The following SPTB variants were observed in gnomAD, a reference collection of about 807,000 sequenced individuals.
SPTB encodes the protein spectrin beta, erythrocytic, also known as spectrin beta chain, erythrocytic.
A neutral mutation model predicts 256.2 loss-of-function variants in SPTB; 45 were observed. The observed-to-expected ratio is 0.18, with a 90% CI of 0.14 to 0.23. The LOEUF is 0.23. SPTB is among the 10% of genes least tolerant of loss of function. The pLI, the probability that SPTB is intolerant of heterozygous loss-of-function variation, is 1.00. For synonymous variants in SPTB, 1,231 were observed against 1,243.1 expected, an observed-to-expected ratio of 0.99 and a Z score of 0.21; for missense variants, 2,715 against 3,040.4, an observed-to-expected ratio of 0.89 and a Z score of 2.52.
At chr14:64,856,404 A>G (rs927130834) in intron 1 of SPTB, among the ~76,000 whole-genome samples, 9 of 152,304 alleles carry the variant, frequency 5.9e-5, no homozygotes, top group Non-Finnish European at 1.3e-4. Flanking sequence ...GAGACTATCC[A>G]CATTCTCAGA....
In SPTB at chr14:64,759,922, G is replaced by A. The variant is rs887258633; in HGVS notation, c.6346-6129C>T. 2.0e-5 allele frequency among the ~76,000 whole-genome samples: 3 copies of A among 152,228 alleles called. No individual in the cohort carries two copies. The highest frequency in any genetic ancestry group is 7.2e-5 in the African/African-American group (3 of 41,446). ...AGTGGGCTGAATAAGGGAAGGCACT[G>A]CCTTTAGTCCTCTGGTTTGGGGAAG... On this transcript the variant is annotated intron_variant, in intron 32 of 35. Coordinates refer to ENST00000644917, the MANE Select transcript of SPTB (RefSeq NM_001355436.2). The surrounding 1 kb of genome is among the most constrained non-coding windows in gnomAD (Gnocchi z 4.8).
chr14:64,753,404 T>C (rs2081978012), intron 33 of SPTB, 133 bp downstream of exon 33: 4 of 1,389,898 alleles, frequency 2.9e-6, no homozygotes, highest in Non-Finnish European at 4.0e-6. Flanking sequence ...GAGGGGTGTC[T>C]AGGAGCTCTC....
chr14:64,874,282 T>C (rs181381889), intron 1 of SPTB, among the ~76,000 whole-genome samples: 92 of 152,346 alleles, frequency 6.0e-4, no homozygotes, highest in Non-Finnish European at 1.1e-3. Flanking sequence ...TTCCCCAACC[T>C]GAATGAGATG....
chr14:64,752,378 AGAG>A, intron 33 of SPTB: 1 of 576,608 alleles, frequency 1.7e-6, no homozygotes, highest in Non-Finnish European at 2.6e-6. Context: ...CTGGAAGGTC[AGAG>A]AGAGAAACTG....
In SPTB at chr14:64,786,264, C is replaced by T. The variant is rs181973822; in HGVS notation, c.3561+140G>A. The T allele has an allele frequency of 4.2e-4, 536 of 1,283,030 alleles. 3 individuals carry two copies. The African/African-American group carries it at 7.0e-3, about 17-fold the overall frequency. The allele number at this position is 1,283,030 out of a possible 1,614,324, so 79.5% of individuals were successfully genotyped here. On this transcript the variant is annotated intron_variant, in intron 16 of 35. Transcript: ENST00000644917. The surrounding 1 kb of genome is among the most constrained non-coding windows in gnomAD (Gnocchi z 5.6). ...GCTGGAAAAGGCCCCTAATGAGAAA[C>T]AAAGATTTCCCCCATGAGTGAATAC...
intron 2 of SPTB, among the ~76,000 whole-genome samples, chr14:64,808,808 G>A (rs2083034546): frequency 6.6e-6 from 1 of 152,092 alleles, no homozygotes; most frequent in African/African-American, 2.4e-5. Context: ...TTCCATATCA[G>A]GTACATGACA....
At position 64,774,512 on chromosome 14, in the gene SPTB, T is replaced by C. The variant is rs1594761407; in HGVS notation, c.4858A>G (p.Ile1620Val). The C allele has an allele frequency of 4.5e-6, 7 of 1,553,776 alleles. No individual in the cohort carries two copies. Among genetic ancestry groups the C allele is most frequent in the East Asian group, 4.9e-5 (2 of 41,138 alleles). The stretch of plus-strand genomic sequence containing the variant: ...CGCAAATGTCGCTTCAGCATCACAA[T>C]GGCGCCCTCTTCATCCTAGGAGGCA... ...DEIPKDEEGA[I>V]VMLKRHLRQQ... Residue 1620 changes from isoleucine to valine, a missense_variant, in exon 24 of 36, where the codon ATT becomes GTT. By Grantham distance (29) the Ile-to-Val change is conservative. Transcript: ENST00000644917.
intron 2 of SPTB, among the ~76,000 whole-genome samples, chr14:64,818,896 G>T (rs769843584): frequency 6.6e-6 from 1 of 152,196 alleles, no homozygotes; most frequent in Non-Finnish European, 1.5e-5. Flanking sequence ...GGTCCAGAAA[G>T]TAGGAAGGTG....
At chr14:64,799,993 T>C in intron 8 of SPTB, 59 bp from the exon 9 acceptor site, 1 of 1,590,216 alleles carries the variant, frequency 6.3e-7, no homozygotes, top group Non-Finnish European at 8.6e-7. Flanking sequence ...ACTGAGGATA[T>C]CAATGAGGAC....
intron 32 of SPTB, 71 bp downstream of exon 32, chr14:64,766,655 G>GC (rs1193720100): frequency 6.2e-7 from 1 of 1,612,970 alleles, no homozygotes; most frequent in Non-Finnish European, 8.5e-7. Context: ...CCTGGGCTGA[G>GC]CCTAGTAGGG....
intron 33 of SPTB, among the ~76,000 whole-genome samples, chr14:64,751,057 ATATATAACATTTATAG>A (rs889146911): frequency 2.8e-5 from 4 of 143,308 alleles, no homozygotes; most frequent in African/African-American, 7.5e-5. Flanking sequence ...ATATTATATA[ATATATAACATTTATAG>A]TATATAACAT....
chr14:64,794,760 A>C, intron 12 of SPTB, 143 bp from the exon 13 acceptor site: 3 of 1,078,954 alleles, frequency 2.8e-6, no homozygotes, highest in Non-Finnish European at 4.1e-6. Flanking sequence ...GCTGCTGAGG[A>C]TGGAAGAAGC....
In SPTB at chr14:64,775,500, C is replaced by T; in HGVS notation, c.4564-97G>A. The T allele has an allele frequency of 6.8e-7, 1 of 1,472,084 alleles. No homozygotes were observed. The highest frequency in any genetic ancestry group is 2.1e-5 in the Admixed American group (1 of 47,068). 91.2% of individuals were successfully genotyped at this position (1,472,084 alleles called of 1,614,324 possible). ...CACAGCTCTGACACCCTTGGTCCCTCTCACCCCCGTTGCTAGAGCAGAGCA... is the reference window on the plus strand; with the variant it reads ...CACAGCTCTGACACCCTTGGTCCCTTTCACCCCCGTTGCTAGAGCAGAGCA... On this transcript the variant is annotated intron_variant, in intron 22 of 35. Coordinates refer to ENST00000644917, the MANE Select transcript of SPTB (RefSeq NM_001355436.2). The surrounding 1 kb of genome is among the most constrained non-coding windows in gnomAD (Gnocchi z 5.0).
intron 9 of SPTB, 87 bp downstream of exon 9, chr14:64,799,660 T>A: frequency 6.6e-7 from 1 of 1,512,412 alleles, no homozygotes; most frequent in Non-Finnish European, 9.1e-7. Context: ...GTGGACACAC[T>A]TCATAAGGCC....
At chr14:64,782,786 A>G (rs1168968563) in intron 19 of SPTB, among the ~76,000 whole-genome samples, 1 of 151,800 alleles carries the variant, frequency 6.6e-6, no homozygotes, top group Non-Finnish European at 1.5e-5. Context: ...TGAGACACAC[A>G]TAAAATACAT....
Position 64,753,670 on chromosome 14 carries a change from C to G in SPTB, c.6469G>C (p.Asp2157His). The change falls in exon 33 of 36, where the codon GAT becomes CAT. Residue 2157 changes from aspartate to histidine, a missense_variant. Coordinates refer to ENST00000644917, the MANE Select transcript of SPTB (RefSeq NM_001355436.2). The part of the protein sequence containing the change: ...PTTEPLFKVL[D>H]TPLSEGDEPA... The stretch of plus-strand genomic sequence containing the variant: ...TCATCACCCTCGCTCAGAGGCGTAT[C>G]TAGGACCTTAAAGAGGGGCTCCGTG... The G allele has an allele frequency of 6.2e-7, 1 of 1,613,770 alleles. No homozygotes were observed. The highest frequency in any genetic ancestry group is 1.1e-5 in the South Asian group (1 of 91,084).
Position 64,785,423 on chromosome 14 carries a change from G to A in SPTB, c.3855+114C>T, listed in dbSNP as rs2082546241. The A allele has an allele frequency of 2.1e-6, 2 of 941,460 alleles. No homozygotes were observed. The highest frequency in any genetic ancestry group is 4.0e-5 in the Admixed American group (2 of 49,836). The allele number at this position is 941,460 out of a possible 1,614,324, so 58.3% of individuals were successfully genotyped here. On this transcript the variant is annotated intron_variant, in intron 18 of 35. Transcript: ENST00000644917. This position sits in a 1 kb window ranked among gnomAD's most constrained non-coding sequence, Gnocchi z 4.4. Reference sequence around the variant, plus strand: ...TAAGTACCCAGAGGTCCCCGCTCATGGAATCCCACAGCTCTTGAGCTAGAA... The same window carrying A: ...TAAGTACCCAGAGGTCCCCGCTCATAGAATCCCACAGCTCTTGAGCTAGAA...
At chr14:64,776,840 C>G (rs1456869681) in intron 22 of SPTB, among the ~76,000 whole-genome samples, 2 of 152,206 alleles carry the variant, frequency 1.3e-5, no homozygotes, top group East Asian at 3.8e-4. Flanking sequence ...CATTCAACAA[C>G]TATGTATTAA....
rs952741328 is a variant in SPTB at position 64,796,195 on chromosome 14, A to G, written c.1341+362T>C. On this transcript the variant is annotated intron_variant, in intron 11 of 35. Coordinates refer to ENST00000644917, the MANE Select transcript of SPTB (RefSeq NM_001355436.2). This position sits in a 1 kb window ranked among gnomAD's most constrained non-coding sequence, Gnocchi z 4.1. ...AGCTAGAATTATGTCACAGCACCAG[A>G]GACCAGAGTCCAAAAGGCATGCCTG... is the stretch of plus-strand genomic sequence containing the variant. Among the ~76,000 whole-genome samples the G allele has an allele frequency of 6.6e-6, 1 of 152,184 alleles. No homozygotes were observed. Among genetic ancestry groups the G allele is most frequent in the Non-Finnish European group, 1.5e-5 (1 of 68,034 alleles).
Sources: gnomAD v4.1 joint callset for allele counts (sites outside exome capture counted in the v4.1 genomes callset) on GRCh38, gnomAD v4.1.1 for gene constraint, Gnocchi (gnomAD v3.1) non-coding constraint, MANE v1.5 for transcripts, NCBI Gene and HGNC (gene_info 2026-07-23, HGNC 2026-07-21) for gene names.